Variants in ADAMTSL3 observed in about 807,000 individuals in gnomAD.
The protein encoded by ADAMTSL3 is ADAMTS like 3.
In ADAMTSL3, 128 loss-of-function variants were observed where a neutral mutation model predicts 201.7. The observed-to-expected ratio is 0.63, with a 90% CI of 0.55 to 0.73. The LOEUF (loss-of-function observed/expected upper bound fraction) is 0.73, where lower values mean the gene tolerates loss of function less well. Among genes scored for constraint, ADAMTSL3 ranks in the 30% least tolerant of loss-of-function variants. The pLI, the probability that ADAMTSL3 is intolerant of heterozygous loss-of-function variation, is 0.00. For synonymous variants in ADAMTSL3, 738 were observed against 748.4 expected (o/e 0.99, Z 0.23); for missense variants, 1,990 against 2,119.6 (o/e 0.94, Z 1.20).
intron 4 of ADAMTSL3, among the ~76,000 whole-genome samples, chr15:83,782,215 G>T (rs1224584804): frequency 1.3e-5 from 2 of 152,158 alleles, no homozygotes; most frequent in Non-Finnish European, 1.5e-5. Flanking sequence ...GCTGGCTCAT[G>T]CCTGTAATCC....
At chr15:84,001,768 G>T (rs1335012058) in intron 23 of ADAMTSL3, among the ~76,000 whole-genome samples, 1 of 152,198 alleles carries the variant, frequency 6.6e-6, no homozygotes, top group Non-Finnish European at 1.5e-5. Flanking sequence ...TCCAGGGAGA[G>T]TACACTGGGA....
chr15:84,031,195 C>G (rs1211992611), intron 27 of ADAMTSL3, 140 bp from the exon 28 acceptor site: 21 of 793,298 alleles, frequency 2.6e-5, no homozygotes, highest in Non-Finnish European at 3.4e-5. Flanking sequence ...CCCTAATCCT[C>G]TTTAACTCCC....
At chr15:83,689,884 T>A (rs1376995354) in intron 2 of ADAMTSL3, among the ~76,000 whole-genome samples, 1 of 152,074 alleles carries the variant, frequency 6.6e-6, no homozygotes, top group African/African-American at 2.4e-5. Flanking sequence ...ACACATGTTT[T>A]GTAGGGCACA....
intron 24 of ADAMTSL3, among the ~76,000 whole-genome samples, chr15:84,015,243 C>G (rs2068071121): frequency 6.6e-6 from 1 of 152,110 alleles, no homozygotes; most frequent in African/African-American, 2.4e-5. Flanking sequence ...TGCGCCCGGT[C>G]AGATGTTAGT....
chr15:83,678,177 C>A (rs1447316919), intron 2 of ADAMTSL3, among the ~76,000 whole-genome samples: 1 of 152,114 alleles, frequency 6.6e-6, no homozygotes, highest in Non-Finnish European at 1.5e-5. Flanking sequence ...ATACGTTTAA[C>A]AAACTCATAA....
Position 84,014,407 on chromosome 15 carries a change from A to G in ADAMTSL3, c.3974-135A>G, listed in dbSNP as rs574504448. 14 of 790,262 alleles carry G rather than the reference A, an allele frequency of 1.8e-5. No homozygotes were observed. In the East Asian group the frequency reaches 3.6e-4, roughly 20 times the overall value. The allele number at this position is 790,262 out of a possible 1,614,324, so 49.0% of individuals were successfully genotyped here. On this transcript the variant is annotated intron_variant, in intron 23 of 29. Coordinates refer to ENST00000286744, the MANE Select transcript of ADAMTSL3 (RefSeq NM_207517.3). ...ATAGAGTAGCTATAGAAATAGAAAT[A>G]GCCATTTTTCCTATTATATATGATT...
chr15:84,014,704 C>T lies in ADAMTSL3; in HGVS notation c.4136C>T (p.Thr1379Ile). Residue 1379 changes from threonine (T) to isoleucine (I), a missense_variant, in exon 24 of 30, where the codon ACA becomes ATA. By Grantham distance (89) the Thr-to-Ile change is moderately conservative. Transcript: ENST00000286744. ...AATGCTCTTGGAAAGGCAGTGGCAA[C>T]ATCTGTACTCCACTTGCTGGGTAAG... Reference protein sequence around the residue: ...ATNALGKAVATSVLHLLERRW... With the variant: ...ATNALGKAVAISVLHLLERRW... 1.2e-6 allele frequency: 2 copies of T among 1,611,488 alleles called. No individual in the cohort carries two copies. Among genetic ancestry groups the T allele is most frequent in the Non-Finnish European group, 1.7e-6 (2 of 1,179,282 alleles).
intron 3 of ADAMTSL3, among the ~76,000 whole-genome samples, chr15:83,745,705 G>A (rs779135331): frequency 7.9e-5 from 12 of 152,216 alleles, no homozygotes; most frequent in Non-Finnish European, 1.3e-4. Flanking sequence ...CAGTCGAGAA[G>A]GGGGTCAAGG....
chr15:83,921,140 T>G (rs1341458820), intron 16 of ADAMTSL3, among the ~76,000 whole-genome samples: 4 of 152,230 alleles, frequency 2.6e-5, no homozygotes, highest in African/African-American at 2.4e-5. Context: ...CTATTTACTC[T>G]TTGGCCTAGG....
At chr15:83,900,319 T>A (rs989134173) in intron 15 of ADAMTSL3, among the ~76,000 whole-genome samples, 2 of 152,170 alleles carry the variant, frequency 1.3e-5, no homozygotes, top group Non-Finnish European at 2.9e-5. Context: ...ATGACTACCA[T>A]CTGCATGTGA....
chr15:83,883,296 C>A (rs2065314148), intron 9 of ADAMTSL3, among the ~76,000 whole-genome samples: 1 of 151,706 alleles, frequency 6.6e-6, no homozygotes, highest in African/African-American at 2.4e-5. Context: ...CCTCAGCTTC[C>A]CGAGTAGCTG....
At chr15:83,741,725 G>A (rs539259727) in intron 3 of ADAMTSL3, among the ~76,000 whole-genome samples, 25 of 152,280 alleles carry the variant, frequency 1.6e-4, no homozygotes, top group African/African-American at 6.0e-4. Flanking sequence ...GGCTGGGTAT[G>A]GTGGCTCATC....
At chr15:83,722,265 T>C (rs2062112133) in intron 3 of ADAMTSL3, among the ~76,000 whole-genome samples, 1 of 152,172 alleles carries the variant, frequency 6.6e-6, no homozygotes, top group Admixed American at 6.5e-5. Flanking sequence ...AGACTGTAGC[T>C]ATGTTGGACA....
intron 2 of ADAMTSL3, among the ~76,000 whole-genome samples, chr15:83,692,230 T>C (rs1343752598): frequency 6.6e-5 from 10 of 152,132 alleles, no homozygotes; most frequent in Admixed American, 6.5e-4. Flanking sequence ...CTTAATATTA[T>C]AAAAACATCA....
At chr15:83,710,474 C>G (rs551915205) in intron 3 of ADAMTSL3, among the ~76,000 whole-genome samples, 2 of 152,016 alleles carry the variant, frequency 1.3e-5, no homozygotes, top group East Asian at 1.9e-4. Context: ...CAACCTCCCT[C>G]CCCCCACCAC....
rs756431724 is a variant in ADAMTSL3 at position 84,025,394 on chromosome 15, A to T, written c.4614A>T (p.Pro1538=). Residue 1538 remains proline (P), a synonymous_variant, in exon 27 of 30, where the codon CCA becomes CCT. Coordinates refer to ENST00000286744, the MANE Select transcript of ADAMTSL3 (RefSeq NM_207517.3). ...APKDRPLGRK[P]CFGHPCVQWE... ...AAGACCGGCCTCTGGGAAGAAAACC[A>T]TGTTTTGGTCATCCATGTGTTCAGT... is the stretch of plus-strand genomic sequence containing the variant. 4.3e-6 allele frequency: 7 copies of T among 1,614,110 alleles called. No individual in the cohort carries two copies. In the South Asian group the frequency reaches 6.6e-5, roughly 15 times the overall value.
chr15:83,758,091 C>T (rs1038420823), intron 3 of ADAMTSL3, among the ~76,000 whole-genome samples: 2 of 152,172 alleles, frequency 1.3e-5, no homozygotes, highest in African/African-American at 2.4e-5. Context: ...TGCCCATTAC[C>T]CAGTTCCAAA....
chr15:84,025,350 C>A lies in ADAMTSL3; in HGVS notation c.4570C>A (p.Pro1524Thr), dbSNP rs1375627132. 7.4e-6 allele frequency: 12 copies of A among 1,614,094 alleles called. No homozygotes were observed. Among genetic ancestry groups the A allele is most frequent in the Non-Finnish European group, 1.0e-5 (12 of 1,180,018 alleles). ...KANGTVQVVS[P>T]RACAPKDRPL... ...CAATGGAACTGTGCAGGTGGTGTCTCCAAGAGCATGTGCCCCTAAAGACCG... is the reference window on the plus strand; with the variant it reads ...CAATGGAACTGTGCAGGTGGTGTCTACAAGAGCATGTGCCCCTAAAGACCG... The change falls in exon 27 of 30, where the codon CCA (proline) becomes ACA (threonine). Residue 1524 changes from proline (P) to threonine (T), a missense_variant. Transcript: ENST00000286744.
At chr15:83,685,832 A>G (rs1834524) in intron 2 of ADAMTSL3, among the ~76,000 whole-genome samples, 15,374 of 152,236 alleles carry the variant, frequency 0.1, 1,004 homozygotes, top group East Asian at 0.35. Context: ...CTGGCATGTC[A>G]TAGTCATTTA....
Sources: allele counts gnomAD v4.1 joint callset (sites outside exome capture counted in the v4.1 genomes callset), GRCh38; gene constraint gnomAD v4.1.1; transcripts MANE v1.5; gene names NCBI Gene and HGNC (gene_info 2026-07-23, HGNC 2026-07-21).